The following SAMMSON variants were observed in gnomAD, a reference collection of about 807,000 sequenced individuals.
SAMMSON encodes long intergenic non-protein coding RNA 1212.
intron 4 of SAMMSON, chr3:70,206,669 T>C (rs915241936): frequency 7.5e-6 from 3 of 397,844 alleles, no homozygotes; most frequent in Non-Finnish European, 1.3e-5. Flanking sequence ...ATTCTGACAG[T>C]TTTTTCTCAT....
At chr3:70,026,276 G>C (rs564637646) in intron 3 of SAMMSON, among the ~76,000 whole-genome samples, 2 of 152,100 alleles carry the variant, frequency 1.3e-5, no homozygotes, top group African/African-American at 4.8e-5. Flanking sequence ...AGGAACTAGT[G>C]TTCCTGATTT....
chr3:70,197,507 C>T (rs1701194017), intron 4 of SAMMSON, among the ~76,000 whole-genome samples: 2 of 152,218 alleles, frequency 1.3e-5, no homozygotes, highest in Non-Finnish European at 2.9e-5. Context: ...AGCTACCTCT[C>T]TGGAAACCTT....
chr3:70,322,173 A>C (rs1280919272), intron 7 of SAMMSON, among the ~76,000 whole-genome samples: 1 of 152,130 alleles, frequency 6.6e-6, no homozygotes, highest in Non-Finnish European at 1.5e-5. Context: ...TTGGATCCTC[A>C]CAGTACAGTA....
At chr3:70,236,972 C>G (rs1701616113) in intron 4 of SAMMSON, among the ~76,000 whole-genome samples, 1 of 152,162 alleles carries the variant, frequency 6.6e-6, no homozygotes, top group Non-Finnish European at 1.5e-5. Context: ...TGTGAAAAAT[C>G]ATAGCTTAAG....
intron 9 of SAMMSON, among the ~76,000 whole-genome samples, chr3:70,375,179 T>C (rs1479128390): frequency 6.6e-6 from 1 of 152,218 alleles, no homozygotes; most frequent in Non-Finnish European, 1.5e-5. Flanking sequence ...TATTCTTGAC[T>C]CAATTCATTC....
At chr3:70,071,780 A>G (rs2067231027) in intron 4 of SAMMSON, 1 of 151,980 alleles carries the variant, frequency 6.6e-6, no homozygotes, top group African/African-American at 2.4e-5. Flanking sequence ...AGGTTTTAAC[A>G]TTTGATAATA....
chr3:70,383,224 A>G (rs539814762), intron 9 of SAMMSON, among the ~76,000 whole-genome samples: 46 of 152,120 alleles, frequency 3.0e-4, no homozygotes, highest in Non-Finnish European at 5.1e-4. Flanking sequence ...AATTATATAT[A>G]AAAAGACATA....
At chr3:70,213,658 T>A (rs1701372412) in intron 4 of SAMMSON, among the ~76,000 whole-genome samples, 1 of 152,138 alleles carries the variant, frequency 6.6e-6, no homozygotes, top group South Asian at 2.1e-4. Flanking sequence ...TTTTTTTCCT[T>A]TGTATGAAAA....
intron 7 of SAMMSON, among the ~76,000 whole-genome samples, chr3:70,348,032 G>T (rs903239118): frequency 6.6e-6 from 1 of 152,148 alleles, no homozygotes; most frequent in African/African-American, 2.4e-5. Context: ...GACAGAGCAA[G>T]ACTCTGTCTT....
chr3:70,308,440 T>C lies in SAMMSON; in HGVS notation n.739+17197T>C, dbSNP rs572124544. Among the ~76,000 whole-genome samples the C allele has an allele frequency of 1.4e-3, 211 of 152,226 alleles. 1 individual carries two copies. The highest frequency in any genetic ancestry group is 4.9e-3 in the African/African-American group (204 of 41,546). On this transcript the variant is annotated intron_variant and non_coding_transcript_variant, in intron 7 of 9. Transcript: ENST00000642114. ...CCAAGCATGGTTTTAAAATGAATGA[T>C]TTTTTGGGTCTGTCAATGGTGTTTC...
At chr3:70,385,299 C>T (rs1417326605) in intron 9 of SAMMSON, among the ~76,000 whole-genome samples, 2 of 152,004 alleles carry the variant, frequency 1.3e-5, no homozygotes, top group Non-Finnish European at 2.9e-5. Context: ...GTAAGAGGTA[C>T]TCATCAGATA....
rs77569334 is a variant in SAMMSON at position 70,149,313 on chromosome 3, C to T, written n.507+77748C>T. On this transcript the variant is annotated intron_variant and non_coding_transcript_variant, in intron 4 of 9. Coordinates refer to ENST00000642114, the Ensembl canonical transcript of SAMMSON. ...TTAGGGGACAAAGCAGAGCTAGTAA[C>T]CCTGAAGCCCTTTTCTAGTTTGCTA... 2.6e-3 allele frequency among the ~76,000 whole-genome samples: 394 copies of T among 152,156 alleles called. 7 individuals carry two copies. The East Asian group carries it at 0.043, about 16-fold the overall frequency.
intron 1 of SAMMSON, among the ~76,000 whole-genome samples, chr3:70,000,097 T>C (rs371673706): frequency 2.6e-5 from 4 of 152,230 alleles, no homozygotes; most frequent in East Asian, 1.9e-4. Flanking sequence ...GAGGGTCCAA[T>C]TGAGCTAACA....
At chr3:70,302,964 G>A (rs527898871) in intron 7 of SAMMSON, among the ~76,000 whole-genome samples, 1 of 152,250 alleles carries the variant, frequency 6.6e-6, no homozygotes, top group South Asian at 2.1e-4. Context: ...GTTGGCCTAT[G>A]AGAACACAGA....
chr3:70,178,948 C>T (rs1395764668), intron 4 of SAMMSON, among the ~76,000 whole-genome samples: 1 of 152,090 alleles, frequency 6.6e-6, no homozygotes, highest in Non-Finnish European at 1.5e-5. Context: ...CTGCAGTGAG[C>T]CATGATCATG....
chr3:70,357,121 G>A (rs527791008), intron 8 of SAMMSON, among the ~76,000 whole-genome samples: 2 of 152,198 alleles, frequency 1.3e-5, no homozygotes, highest in East Asian at 3.9e-4. Context: ...CCCAGTGGTA[G>A]GTGAGATGAT....
chr3:70,062,341 A>C (rs2067193644), intron 3 of SAMMSON, among the ~76,000 whole-genome samples: 1 of 152,126 alleles, frequency 6.6e-6, no homozygotes, highest in Non-Finnish European at 1.5e-5. Flanking sequence ...AAGTAGAACC[A>C]CATGAGAATG....
chr3:70,389,267 C>A (rs774855416), intron 9 of SAMMSON, among the ~76,000 whole-genome samples: 2 of 152,026 alleles, frequency 1.3e-5, no homozygotes, highest in South Asian at 2.1e-4. Flanking sequence ...CTAAAACATA[C>A]GCCTGTGTAG....
chr3:70,322,512 G>A (rs189311043), intron 7 of SAMMSON, among the ~76,000 whole-genome samples: 7 of 152,086 alleles, frequency 4.6e-5, no homozygotes, highest in East Asian at 1.9e-4. Flanking sequence ...ACCAACATCC[G>A]CGAAAAGTAC....
Sources: allele counts gnomAD v4.1 joint callset (sites outside exome capture counted in the v4.1 genomes callset), GRCh38; gene constraint gnomAD v4.1.1; transcripts MANE v1.5; gene names NCBI Gene and HGNC (gene_info 2026-07-23, HGNC 2026-07-21).